The following COPA variants were observed in gnomAD, a reference collection of about 807,000 sequenced individuals.
COPA encodes the protein coat protein complex I subunit alpha.
In COPA, 10 loss-of-function variants were observed where a neutral mutation model predicts 158.7. That is an observed-to-expected ratio of 0.06 (90% CI 0.04 to 0.11). The LOEUF is 0.11. COPA is among the 10% of genes least tolerant of loss of function. The pLI, the probability that COPA is intolerant of heterozygous loss-of-function variation, is 1.00. For missense variants in COPA, 1,065 were observed against 1,536.7 expected, an observed-to-expected ratio of 0.69 and a Z score of 5.13; for synonymous variants, 462 against 542.8, an observed-to-expected ratio of 0.85 and a Z score of 2.07.
chr1:160,310,184 T>C lies in COPA; in HGVS notation c.1143+8A>G. On this transcript the variant is annotated splice_region_variant and intron_variant, in intron 12 of 32. Transcript: ENST00000241704. ...GGAGAACCTAGGAGGGCTCCACAGGTTACTTACTGTACAAAGCAGGACTGC... is the reference window on the plus strand; with the variant it reads ...GGAGAACCTAGGAGGGCTCCACAGGCTACTTACTGTACAAAGCAGGACTGC... The C allele has an allele frequency of 1.3e-6, 2 of 1,559,702 alleles. No homozygotes were observed. Among genetic ancestry groups the C allele is most frequent in the African/African-American group, 1.4e-5 (1 of 72,160 alleles).
At chr1:160,329,498 C>T (rs1647404627) in intron 6 of COPA, among the ~76,000 whole-genome samples, 1 of 151,868 alleles carries the variant, frequency 6.6e-6, no homozygotes, top group African/African-American at 2.4e-5. Context: ...TATTTCATGC[C>T]TTGAGCATTT....
chr1:160,318,587 C>T (rs1313052498), intron 8 of COPA, among the ~76,000 whole-genome samples: 2 of 145,794 alleles, frequency 1.4e-5, no homozygotes, highest in Admixed American at 6.9e-5. Context: ...ACCCAGAAGA[C>T]TATATTACTA....
intron 17 of COPA, 56 bp downstream of exon 17, chr1:160,305,377 A>G (rs747432111): frequency 1.3e-6 from 2 of 1,565,592 alleles, no homozygotes; most frequent in Non-Finnish European, 1.7e-6. Context: ...TCAAGACAAG[A>G]CAGTGATTTC....
chr1:160,294,280 A>C (rs1658331727), intron 25 of COPA, among the ~76,000 whole-genome samples: 1 of 152,190 alleles, frequency 6.6e-6, no homozygotes, highest in Non-Finnish European at 1.5e-5. Context: ...GGCATGAGTC[A>C]CCGTGCCCAG....
chr1:160,313,489 A>C (rs1224883855), intron 9 of COPA, among the ~76,000 whole-genome samples: 3 of 151,198 alleles, frequency 2.0e-5, no homozygotes, highest in Non-Finnish European at 4.4e-5. Flanking sequence ...ATCTCGGCTC[A>C]CTGCAAGCTC....
At chr1:160,305,927 G>A in intron 15 of COPA, 154 bp from the exon 16 acceptor site, 1 of 673,868 alleles carries the variant, frequency 1.5e-6, no homozygotes. Flanking sequence ...CTACATAGTA[G>A]CTCAGTGACT....
At chr1:160,342,845 G>C (rs573446970) in intron 1 of COPA, among the ~76,000 whole-genome samples, 1 of 152,240 alleles carries the variant, frequency 6.6e-6, no homozygotes, top group South Asian at 2.1e-4. Context: ...CACAAATCGG[G>C]AGCACAGCCA....
intron 6 of COPA, among the ~76,000 whole-genome samples, chr1:160,327,828 A>T (rs1041284757): frequency 4.6e-5 from 7 of 152,276 alleles, no homozygotes; most frequent in African/African-American, 1.7e-4. Context: ...ACTGCACTCC[A>T]GCCTGGGCAA....
chr1:160,302,695 C>T (rs909153496), intron 17 of COPA, among the ~76,000 whole-genome samples: 12 of 151,702 alleles, frequency 7.9e-5, no homozygotes, highest in African/African-American at 2.9e-4. Context: ...GCTGGGACTA[C>T]AGGCGCCCAC....
rs373962896 is a variant in COPA at position 160,338,398 on chromosome 1, G to C, written c.228+1511C>G. Among the ~76,000 whole-genome samples the C allele has an allele frequency of 2.7e-4, 41 of 152,272 alleles. 1 individual carries two copies. The South Asian group carries it at 8.3e-3, about 31-fold the overall frequency. On this transcript the variant is annotated intron_variant, in intron 3 of 32. Transcript: ENST00000241704. ...GTCACTCTTTACTCCCATCACCTAA[G>C]TTCTGCGGTATAATCACAATATATA...
chr1:160,312,836 G>C (rs1433914259), intron 10 of COPA, among the ~76,000 whole-genome samples: 1 of 152,118 alleles, frequency 6.6e-6, no homozygotes, highest in Non-Finnish European at 1.5e-5. Flanking sequence ...TAAAGCAGCA[G>C]TCCCCATACT....
At chr1:160,331,880 G>C (rs1285967869) in intron 6 of COPA, among the ~76,000 whole-genome samples, 1 of 151,884 alleles carries the variant, frequency 6.6e-6, no homozygotes, top group Non-Finnish European at 1.5e-5. Flanking sequence ...GGGAGGTGGA[G>C]GTTGCAGTGA....
At chr1:160,318,492 C>CAAAAAAAAAAAAAAA (rs1184111001) in intron 8 of COPA, among the ~76,000 whole-genome samples, 2 of 58,080 alleles carry the variant, frequency 3.4e-5, no homozygotes, top group Non-Finnish European at 5.7e-5. Flanking sequence ...AAAAAAAAAA[C>CAAAAAAAAAAAAAAA]AAAAAAAAAA....
At chr1:160,325,690 A>G in intron 6 of COPA, 38 bp from the exon 7 acceptor site, 1 of 1,454,096 alleles carries the variant, frequency 6.9e-7, no homozygotes, top group South Asian at 1.1e-5. Context: ...AGATGTAAAC[A>G]TAATATTATC....
At chr1:160,334,700 G>C (rs1647681021) in intron 4 of COPA, among the ~76,000 whole-genome samples, 1 of 152,166 alleles carries the variant, frequency 6.6e-6, no homozygotes, top group Non-Finnish European at 1.5e-5. Flanking sequence ...GGGTGCAACT[G>C]GATTCAGAGG....
intron 3 of COPA, 71 bp from the exon 4 acceptor site, chr1:160,335,393 T>A: frequency 1.7e-6 from 2 of 1,207,606 alleles, no homozygotes; most frequent in Non-Finnish European, 2.3e-6. Context: ...GAAATTGATA[T>A]CTTTACAGAG....
Position 160,299,007 on chromosome 1 carries a change from G to A in COPA, c.1831-16C>T. On this transcript the variant is annotated splice_polypyrimidine_tract_variant and intron_variant, in intron 18 of 32. Coordinates refer to ENST00000241704, the MANE Select transcript of COPA (RefSeq NM_004371.4). ...TGTGCAGTACCTAGACATTTGGGGTGGAGTCGGGCAAGAAGTAGACATCAC... is the reference window on the plus strand; with the variant it reads ...TGTGCAGTACCTAGACATTTGGGGTAGAGTCGGGCAAGAAGTAGACATCAC... 6.2e-7 allele frequency: 1 copy of A among 1,612,580 alleles called. No homozygotes were observed. Among genetic ancestry groups the A allele is most frequent in the Non-Finnish European group, 8.5e-7 (1 of 1,178,968 alleles).
Position 160,289,613 on chromosome 1 carries a change from C to CA in COPA, c.*543dup. 1 of 146,954 alleles carries CA rather than the reference C, an allele frequency of 6.8e-6. No homozygotes were observed. The highest frequency in any genetic ancestry group is 2.0e-4 in the East Asian group (1 of 5,016). The allele number at this position is 146,954 out of a possible 1,614,324, so 9.1% of individuals were successfully genotyped here. A position where few individuals can be genotyped will look rare whatever the true frequency, so the allele number is the denominator to read the frequency against. ...GTTTTCCTTTTTTTTTTTTTTGAGA[C>CA]AGAGTCTTGCTCTGTCACCCAGGCT... On this transcript the variant is annotated 3_prime_UTR_variant, in exon 33 of 33. Transcript: ENST00000241704.
chr1:160,332,061 G>A (rs1042915289), intron 6 of COPA, among the ~76,000 whole-genome samples: 2 of 152,112 alleles, frequency 1.3e-5, no homozygotes, highest in African/African-American at 4.8e-5. Flanking sequence ...TAAATAAAGC[G>A]ATAGGGTCCA....
Sources: allele counts gnomAD v4.1 joint callset (sites outside exome capture counted in the v4.1 genomes callset), GRCh38; gene constraint gnomAD v4.1.1; transcripts MANE v1.5; gene names NCBI Gene and HGNC (gene_info 2026-07-23, HGNC 2026-07-21).